The following PHF24 variants were observed in gnomAD, a reference collection of about 807,000 sequenced individuals.
PHF24 encodes the protein PHD finger protein 24, also known as Galpha inhibitory interacting protein.
In PHF24, 25 loss-of-function variants were observed where a neutral mutation model predicts 42.6. The observed-to-expected ratio is 0.59, with a 90% CI of 0.43 to 0.82. The LOEUF is 0.82. Ranked by LOEUF, PHF24 falls within the 40% of genes least tolerant of loss-of-function variation. The pLI is 0.00. For synonymous variants in PHF24, 185 were observed against 204.8 expected (o/e 0.90, Z 0.83); for missense variants, 470 against 538.1 (o/e 0.87, Z 1.25).
At chr9:34,900,924 C>G in the PHF24 span, among the ~76,000 whole-genome samples, 1 of 152,186 alleles carries the variant, frequency 6.6e-6, no homozygotes, top group Non-Finnish European at 1.5e-5. Context: ...AATAAATTCT[C>G]TCTTTATAAA....
chr9:34,942,615 C>A, the PHF24 span, among the ~76,000 whole-genome samples: 2 of 152,030 alleles, frequency 1.3e-5, no homozygotes, highest in Non-Finnish European at 2.9e-5. Context: ...TTTGGCCATC[C>A]CATATGAATA....
At chr9:34,850,181 A>G in the PHF24 span, among the ~76,000 whole-genome samples, 3 of 152,182 alleles carry the variant, frequency 2.0e-5, no homozygotes, top group East Asian at 3.8e-4. Flanking sequence ...CTCCTGGATA[A>G]TATCCTGCAG....
chr9:34,875,913 C>CAG, the PHF24 span, among the ~76,000 whole-genome samples: 1 of 64,738 alleles, frequency 1.5e-5, no homozygotes, highest in Non-Finnish European at 3.3e-5. Flanking sequence ...CTCTTACACA[C>CAG]ACACACACAC....
At chr9:34,931,717 G>A in the PHF24 span, among the ~76,000 whole-genome samples, 2 of 152,120 alleles carry the variant, frequency 1.3e-5, no homozygotes, top group African/African-American at 4.8e-5. Context: ...GGAAACAGAA[G>A]CCACCATGCT....
At chr9:34,702,921 G>A in the PHF24 span, among the ~76,000 whole-genome samples, 2 of 152,214 alleles carry the variant, frequency 1.3e-5, no homozygotes, top group Non-Finnish European at 2.9e-5. Context: ...AAACGTTGAT[G>A]ACTTTAACAA....
the PHF24 span, among the ~76,000 whole-genome samples, chr9:34,909,613 G>A: frequency 1.3e-5 from 2 of 151,888 alleles, no homozygotes; most frequent in African/African-American, 2.4e-5. Context: ...AGAACATAAA[G>A]AGAAGAAATC....
At chr9:34,919,750 A>G in the PHF24 span, among the ~76,000 whole-genome samples, 9 of 144,638 alleles carry the variant, frequency 6.2e-5, no homozygotes, top group African/African-American at 2.1e-4. Flanking sequence ...CTCTATATCT[A>G]TGAGTTCAAT....
intron 1 of PHF24, among the ~76,000 whole-genome samples, chr9:34,961,431 T>G (rs1826585991): frequency 1.3e-5 from 2 of 152,168 alleles, no homozygotes; most frequent in African/African-American, 4.8e-5. Context: ...TCCCCACTCT[T>G]CCAGCAATCC....
the PHF24 span, among the ~76,000 whole-genome samples, chr9:34,692,821 C>G: frequency 7.4e-6 from 1 of 134,490 alleles, no homozygotes; most frequent in African/African-American, 2.7e-5. Flanking sequence ...GAGTCTCACT[C>G]TGTCACCCAG....
At chr9:34,749,086 C>T in the PHF24 span, among the ~76,000 whole-genome samples, 10 of 151,894 alleles carry the variant, frequency 6.6e-5, no homozygotes, top group Non-Finnish European at 1.2e-4. Flanking sequence ...GCATCTGTCT[C>T]TTAATTGTAG....
chr9:34,915,271 A>G, the PHF24 span, among the ~76,000 whole-genome samples: 6 of 151,978 alleles, frequency 3.9e-5, no homozygotes, highest in Non-Finnish European at 7.4e-5. Context: ...TTAAGCAGAT[A>G]TCATAGTTCC....
chr9:34,971,508 A>G, exon 2 of PHF24: 4 of 1,614,106 alleles, frequency 2.5e-6, no homozygotes, highest in Non-Finnish European at 3.4e-6. Context: ...TGGTCCAGGA[A>G]GAGAGTAGTG....
chr9:34,722,105 C>G, the PHF24 span, among the ~76,000 whole-genome samples: 2 of 152,106 alleles, frequency 1.3e-5, no homozygotes, highest in African/African-American at 4.8e-5. Context: ...TTATCTGAAG[C>G]CAGGACCCTC....
chr9:34,742,162 A>G, the PHF24 span, among the ~76,000 whole-genome samples: 1 of 152,236 alleles, frequency 6.6e-6, no homozygotes, highest in South Asian at 2.1e-4. Context: ...ATTTTGTGAA[A>G]TATCAGCAAG....
At chr9:34,976,109 A>T in intron 3 of PHF24, 43 bp from the exon 4 acceptor site, 4 of 1,408,924 alleles carry the variant, frequency 2.8e-6, no homozygotes, top group Non-Finnish European at 4.0e-6. Context: ...GGCCTTTCTT[A>T]CTGGCCTGTA....
chr9:34,692,211 C>T, the PHF24 span, among the ~76,000 whole-genome samples: 1 of 152,182 alleles, frequency 6.6e-6, no homozygotes, highest in African/African-American at 2.4e-5. Context: ...GGAACATTTC[C>T]CTCTTAAATT....
chr9:34,837,767 C>T, the PHF24 span: 1 of 1,040,416 alleles, frequency 9.6e-7, no homozygotes, highest in South Asian at 1.4e-5. Context: ...CAAAATGAGA[C>T]TTACATTTAT....
chr9:34,822,107 T>C, the PHF24 span, among the ~76,000 whole-genome samples: 2 of 152,184 alleles, frequency 1.3e-5, no homozygotes, highest in Non-Finnish European at 2.9e-5. Context: ...GTCTATTTTT[T>C]CTAAACGTAA....
At chr9:34,886,441 C>G in the PHF24 span, among the ~76,000 whole-genome samples, 2 of 151,938 alleles carry the variant, frequency 1.3e-5, no homozygotes, top group Non-Finnish European at 1.5e-5. Context: ...CATTAGTGAT[C>G]TTTATATTGC....
Sources: allele counts gnomAD v4.1 joint callset (sites outside exome capture counted in the v4.1 genomes callset), GRCh38; gene constraint gnomAD v4.1.1; transcripts MANE v1.5; gene names NCBI Gene and HGNC (gene_info 2026-07-23, HGNC 2026-07-21).